TRIP12: variants seen among roughly 807,000 people sequenced by gnomAD.
TRIP12 encodes thyroid hormone receptor interactor 12, also known as E3 ubiquitin-protein ligase TRIP12.
A neutral mutation model predicts 244.2 loss-of-function variants in TRIP12; 25 were observed. That is an observed-to-expected ratio of 0.10 (90% CI 0.07 to 0.14). The LOEUF (loss-of-function observed/expected upper bound fraction) is 0.14. Ranked by LOEUF, TRIP12 falls within the 10% of genes least tolerant of loss-of-function variation. The pLI is 1.00. For missense variants in TRIP12, 1,677 were observed against 2,486.4 expected (o/e 0.67, Z 6.92); for synonymous variants, 905 against 873.1 (o/e 1.04, Z -0.64).
In TRIP12 at chr2:229,840,815, A is replaced by T. The variant is rs1390227641; in HGVS notation, c.1133+7T>A. 1 of 1,556,314 alleles carries T rather than the reference A, an allele frequency of 6.4e-7. No individual in the cohort carries two copies. ...GAACTCACTATAAAAAAAAAAAAAC[A>T]AATTACCTGGTACTAGCACAGGAGC... On this transcript the variant is annotated splice_region_variant and intron_variant, in intron 5 of 41. Transcript: ENST00000675903.
At chr2:229,874,245 G>C in intron 2 of TRIP12, among the ~76,000 whole-genome samples, 1 of 151,980 alleles carries the variant, frequency 6.6e-6, no homozygotes, top group East Asian at 1.9e-4. Flanking sequence ...TTTAAACCAA[G>C]GAATTCTTTT....
intron 39 of TRIP12, 49 bp from the exon 40 acceptor site, chr2:229,769,374 T>A: frequency 6.3e-7 from 1 of 1,577,572 alleles, no homozygotes; most frequent in South Asian, 1.1e-5. Context: ...AACATTTGTT[T>A]ACGTGAGTGA....
At chr2:229,910,599 C>A (rs547213106) in intron 1 of TRIP12, among the ~76,000 whole-genome samples, 8 of 152,050 alleles carry the variant, frequency 5.3e-5, no homozygotes, top group African/African-American at 1.9e-4. Flanking sequence ...TGACAAGATA[C>A]CTGGAAAAAA....
chr2:229,842,302 C>T (rs1347120004), intron 4 of TRIP12, among the ~76,000 whole-genome samples: 1 of 152,158 alleles, frequency 6.6e-6, no homozygotes, highest in Non-Finnish European at 1.5e-5. Flanking sequence ...TAATCATATG[C>T]CTAATATCCT....
intron 1 of TRIP12, among the ~76,000 whole-genome samples, chr2:229,889,000 T>G (rs575236248): frequency 2.6e-5 from 4 of 152,204 alleles, no homozygotes; most frequent in African/African-American, 7.2e-5. Flanking sequence ...TTTCCCTGTT[T>G]GTCGTTTTTA....
intron 2 of TRIP12, among the ~76,000 whole-genome samples, chr2:229,873,111 T>C (rs1306384950): frequency 1.3e-5 from 2 of 152,190 alleles, no homozygotes; most frequent in Non-Finnish European, 2.9e-5. Context: ...GTGACCTCAT[T>C]ACTAGAGAAA....
intron 8 of TRIP12, among the ~76,000 whole-genome samples, chr2:229,822,620 G>A (rs1198514489): frequency 6.6e-6 from 1 of 152,162 alleles, no homozygotes; most frequent in Non-Finnish European, 1.5e-5. Flanking sequence ...GCTAGCACTA[G>A]CAGAAAATAT....
chr2:229,863,495 G>A (rs984948764), intron 2 of TRIP12, among the ~76,000 whole-genome samples: 2 of 151,960 alleles, frequency 1.3e-5, no homozygotes, highest in East Asian at 1.9e-4. Flanking sequence ...TCAAACAAAC[G>A]AGCATGGTGG....
chr2:229,886,408 T>C (rs1369798192), intron 1 of TRIP12, among the ~76,000 whole-genome samples: 1 of 152,040 alleles, frequency 6.6e-6, no homozygotes. Context: ...ATGCAATTTA[T>C]GGGCATCAAA....
At chr2:229,819,202 A>G (rs188972011) in intron 8 of TRIP12, among the ~76,000 whole-genome samples, 4 of 152,280 alleles carry the variant, frequency 2.6e-5, no homozygotes, top group African/African-American at 9.6e-5. Flanking sequence ...AATACTCAAC[A>G]ACCACAGAGA....
intron 8 of TRIP12, among the ~76,000 whole-genome samples, chr2:229,822,359 G>A (rs190485347): frequency 2.6e-4 from 40 of 152,276 alleles, no homozygotes; most frequent in Non-Finnish European, 4.3e-4. Context: ...CAAGATACTT[G>A]CCACATTTTG....
chr2:229,913,214 C>T (rs1414548548), intron 1 of TRIP12, among the ~76,000 whole-genome samples: 1 of 152,152 alleles, frequency 6.6e-6, no homozygotes, highest in Non-Finnish European at 1.5e-5. Flanking sequence ...TGCCCTAATT[C>T]ATGTTTCTTA....
At chr2:229,883,288 G>A (rs1009621830) in intron 1 of TRIP12, among the ~76,000 whole-genome samples, 4 of 152,208 alleles carry the variant, frequency 2.6e-5, no homozygotes, top group African/African-American at 9.6e-5. Flanking sequence ...TTTGGCTTCA[G>A]CTAAGAACCC....
chr2:229,808,448 G>A (rs2046420544), intron 15 of TRIP12, 79 bp from the exon 16 acceptor site: 1 of 875,374 alleles, frequency 1.1e-6, no homozygotes, highest in Non-Finnish European at 1.8e-6. Flanking sequence ...ATTGCCCAAG[G>A]GGGGAAAATA....
intron 2 of TRIP12, among the ~76,000 whole-genome samples, chr2:229,870,885 C>T (rs2062442734): frequency 6.6e-6 from 1 of 152,084 alleles, no homozygotes; most frequent in Non-Finnish European, 1.5e-5. Context: ...AGAAAACATC[C>T]TAATCCGGCT....
intron 9 of TRIP12, among the ~76,000 whole-genome samples, chr2:229,817,048 TTTATCA>T: frequency 6.6e-6 from 1 of 152,326 alleles, no homozygotes; most frequent in Middle Eastern, 3.4e-3. Flanking sequence ...TGTTCTATCC[TTTATCA>T]AACTCTGCCA....
Position 229,856,063 on chromosome 2 carries a change from T to A in TRIP12, c.1027+2709A>T, listed in dbSNP as rs544949118. Among the ~76,000 whole-genome samples, 23 of 151,012 alleles carry A rather than the reference T, an allele frequency of 1.5e-4. No individual in the cohort carries two copies. The South Asian group carries it at 4.8e-3, about 32-fold the overall frequency. ...TCAGAAAAAAAAAAAAAAAAGTGTA[T>A]CCTAAAGCACCATTTTTTTTAAAAG... On this transcript the variant is annotated intron_variant, in intron 4 of 41. Coordinates refer to ENST00000675903, the MANE Select transcript of TRIP12 (RefSeq NM_001348323.3).
At chr2:229,847,877 G>A (rs1271002548) in intron 4 of TRIP12, among the ~76,000 whole-genome samples, 1 of 152,114 alleles carries the variant, frequency 6.6e-6, no homozygotes, top group Non-Finnish European at 1.5e-5. Context: ...AGAAATTCCT[G>A]ACTAAAGTAC....
intron 34 of TRIP12, among the ~76,000 whole-genome samples, chr2:229,780,995 C>G (rs1162385727): frequency 6.6e-6 from 1 of 152,184 alleles, no homozygotes; most frequent in Non-Finnish European, 1.5e-5. Context: ...TAACATTATC[C>G]CAGGTTCAAC....
Sources: allele counts gnomAD v4.1 joint callset (sites outside exome capture counted in the v4.1 genomes callset), GRCh38; gene constraint gnomAD v4.1.1; transcripts MANE v1.5; gene names NCBI Gene and HGNC (gene_info 2026-07-23, HGNC 2026-07-21).